DNAH1: variants seen among roughly 807,000 people sequenced by gnomAD.
DNAH1 encodes axonemal beta dynein heavy chain 1.
DNAH1 carries 327 observed loss-of-function variants against 484.3 expected under a neutral mutation model. That is an observed-to-expected ratio of 0.68 (90% confidence interval 0.62 to 0.74). The LOEUF is 0.74. Ranked by LOEUF, DNAH1 falls within the 30% of genes least tolerant of loss-of-function variation. DNAH1 has a pLI of 0.00. For missense variants in DNAH1, 5,052 were observed against 5,546.8 expected (o/e 0.91, Z 2.83); for synonymous variants, 2,192 against 2,191.9 (o/e 1.00, Z 0.00).
Position 52,395,554 on chromosome 3 carries a change from G to A in DNAH1, c.11135G>A (p.Arg3712Gln), listed in dbSNP as rs200395837. ...AISLGQGQGP[R>Q]AEAMMRSSIE... ...GTGCTCTTGCCCCTGCAGGGCCCTCGGGCAGAAGCCATGATGCGCAGCTCC... is the reference window on the plus strand; with the variant it reads ...GTGCTCTTGCCCCTGCAGGGCCCTCAGGCAGAAGCCATGATGCGCAGCTCC... Residue 3712 changes from arginine (R) to glutamine (Q), a missense_variant, in exon 70 of 78, where the codon CGG (arginine) becomes CAG (glutamine). By Grantham distance (43) the Arg-to-Gln change is conservative. This residue lies in a region of DNAH1 where 853 missense variants were observed against 899.0 expected (regional missense o/e 0.95). Coordinates refer to ENST00000420323, the MANE Select transcript of DNAH1 (RefSeq NM_015512.5). The surrounding 1 kb of genome is among the most constrained non-coding windows in gnomAD (Gnocchi z 4.4). 5.8e-5 allele frequency: 94 copies of A among 1,613,620 alleles called. No individual in the cohort carries two copies. The East Asian group carries it at 1.4e-3, about 23-fold the overall frequency.
In DNAH1 at chr3:52,394,456, C is replaced by A; in HGVS notation, c.10627-9C>A. ...GCCTGGGCATCAGCCTCCTCCTGTC[C>A]CCTGCCAGAGTGAGTGGCGATACCT... On this transcript the variant is annotated splice_polypyrimidine_tract_variant and intron_variant, in intron 66 of 77. Transcript: ENST00000420323. 2 of 1,613,762 alleles carry A rather than the reference C, an allele frequency of 1.2e-6. No individual in the cohort carries two copies. The highest frequency in any genetic ancestry group is 1.7e-6 in the Non-Finnish European group (2 of 1,179,780).
chr3:52,391,360 G>A (rs745336992), intron 62 of DNAH1, 32 bp downstream of exon 62: 2 of 1,597,098 alleles, frequency 1.3e-6, no homozygotes, highest in South Asian at 1.1e-5. Flanking sequence ...CAGGGTGGCA[G>A]TAGGCCTGGA....
At position 52,362,498 on chromosome 3, in the gene DNAH1, G is replaced by A. The variant is rs1274569938; in HGVS notation, c.5091G>A (p.Leu1697=). 3 of 1,613,116 alleles carry A rather than the reference G, an allele frequency of 1.9e-6. No individual in the cohort carries two copies. The African/African-American group carries it at 4.0e-5, about 21-fold the overall frequency. The change falls in exon 31 of 78, where the codon CTG becomes CTA. Residue 1697 remains leucine (L), a synonymous_variant. Transcript: ENST00000420323. This position sits in a 1 kb window ranked among gnomAD's most constrained non-coding sequence, Gnocchi z 5.1. ...YAGRTELPDN[L]KALFRPVAMM... ...GCCGCACGGAGCTGCCTGACAATCT[G>A]AAGGCAAGTGCAGGCCCAGAGTGGC... is the stretch of plus-strand genomic sequence containing the variant.
At chr3:52,359,213 G>A (rs1702747318) in intron 25 of DNAH1, 33 bp from the exon 26 acceptor site, 1 of 1,553,860 alleles carries the variant, frequency 6.4e-7, no homozygotes, top group African/African-American at 1.4e-5. Context: ...GGCTGCGGCT[G>A]TCCAGGTCAG....
rs374798612 is a variant in DNAH1 at position 52,397,756 on chromosome 3, T to C, written c.11837T>C (p.Ile3946Thr). ...KSLPLNDMPE[I>T]FGLHDNANIT... ...CTCCCACTCAATGATATGCCTGAGA[T>C]CTTTGGCCTGCATGACAATGCCAAC... The change falls in exon 74 of 78, where the codon ATC becomes ACC. Residue 3946 changes from isoleucine (I) to threonine (T), a missense_variant. This residue lies in a region of DNAH1 where 853 missense variants were observed against 899.0 expected (regional missense o/e 0.95). Transcript: ENST00000420323. The C allele has an allele frequency of 9.3e-5, 150 of 1,613,666 alleles. No individual in the cohort carries two copies. Among genetic ancestry groups the C allele is most frequent in the Non-Finnish European group, 1.2e-4 (139 of 1,179,750 alleles).
rs368033879 is a variant in DNAH1, at chr3:52,382,378, C to T, written c.7864C>T (p.Arg2622Ter). The T allele has an allele frequency of 2.5e-5, 41 of 1,613,850 alleles. No individual in the cohort carries two copies. The highest frequency in any genetic ancestry group is 1.6e-4 in the Middle Eastern group (1 of 6,084). Residue 2622 changes from arginine (R) to a stop codon, truncating the protein, a stop_gained, in exon 50 of 78, where the codon CGA (arginine) becomes TGA (stop). Coordinates refer to ENST00000420323, the MANE Select transcript of DNAH1 (RefSeq NM_015512.5). LOFTEE classifies it high-confidence loss of function. ...LSKNYGMSEW[R>*]DDVKKVLLKA... ...CAAGAACTACGGCATGTCCGAGTGG[C>T]GAGATGATGTGAAGAAGGTCCTGCT...
chr3:52,382,525 G>A (rs754346547), intron 50 of DNAH1, 70 bp downstream of exon 50: 32 of 1,584,774 alleles, frequency 2.0e-5, no homozygotes, highest in East Asian at 4.5e-5. Flanking sequence ...ATAGCATCCC[G>A]GAAGGTGGCC....
chr3:52,341,404 G>A (rs575284728), intron 8 of DNAH1, among the ~76,000 whole-genome samples: 15 of 152,178 alleles, frequency 9.9e-5, no homozygotes, highest in African/African-American at 3.4e-4. Context: ...TATAATAGAA[G>A]AAGCAGCTGG....
chr3:52,372,633 C>CT (rs1488257609), intron 43 of DNAH1, among the ~76,000 whole-genome samples: 2 of 152,228 alleles, frequency 1.3e-5, no homozygotes, highest in Non-Finnish European at 2.9e-5. Context: ...GGACAGGGCC[C>CT]TGGGTCTGTC....
At chr3:52,330,742 G>C (rs1336241707) in intron 6 of DNAH1, among the ~76,000 whole-genome samples, 1 of 152,232 alleles carries the variant, frequency 6.6e-6, no homozygotes, top group African/African-American at 2.4e-5. Context: ...CAGCCTGTGG[G>C]GAGGGCTTCA....
At chr3:52,398,818 C>T (rs1704759289) in intron 75 of DNAH1, 32 bp from the exon 76 acceptor site, 1 of 1,479,560 alleles carries the variant, frequency 6.8e-7, no homozygotes, top group South Asian at 1.4e-5. Flanking sequence ...GACCCCAGCC[C>T]ACTACCTATT....
At chr3:52,370,852 G>A in intron 41 of DNAH1, 27 bp downstream of exon 41, 1 of 1,562,916 alleles carries the variant, frequency 6.4e-7, no homozygotes, top group Non-Finnish European at 8.7e-7. Context: ...CCCAGAGACT[G>A]CACAGGGAGG....
chr3:52,363,031 T>C lies in DNAH1; in HGVS notation c.5131T>C (p.Tyr1711His), dbSNP rs377018837. The C allele has an allele frequency of 2.2e-5, 36 of 1,614,016 alleles. No individual in the cohort carries two copies. The African/African-American group carries it at 4.5e-4, about 20-fold the overall frequency. Reference protein sequence around the residue: ...FRPVAMMVPDYAMITEISLYS... With the variant: ...FRPVAMMVPDHAMITEISLYS... Reference sequence around the variant, plus strand: ...ACCCGTGGCCATGATGGTTCCAGATTACGCCATGATCACTGAGATCTCCCT... The same window carrying C: ...ACCCGTGGCCATGATGGTTCCAGATCACGCCATGATCACTGAGATCTCCCT... The change falls in exon 32 of 78, where the codon TAC becomes CAC. Residue 1711 changes from tyrosine (Y) to histidine (H), a missense_variant. Around this residue, in one of 4 missense-constraint regions of DNAH1, gnomAD observed 2,929 missense variants for 3,409.4 expected, o/e 0.86. Coordinates refer to ENST00000420323, the MANE Select transcript of DNAH1 (RefSeq NM_015512.5).
chr3:52,345,800 G>T, intron 10 of DNAH1, 94 bp downstream of exon 10: 1 of 1,293,354 alleles, frequency 7.7e-7, no homozygotes, highest in Admixed American at 2.1e-5. Context: ...GCCAGGGTCA[G>T]TGGGCCACAT....
intron 11 of DNAH1, 96 bp downstream of exon 11, chr3:52,346,866 T>A (rs1702166690): frequency 7.4e-7 from 1 of 1,354,370 alleles, no homozygotes; most frequent in South Asian, 1.4e-5. Flanking sequence ...AGGGTGCCCA[T>A]CCATGCCAGG....
chr3:52,394,681 A>G lies in DNAH1; in HGVS notation c.10823+20A>G, dbSNP rs750099116. On this transcript the variant is annotated intron_variant, in intron 67 of 77. Transcript: ENST00000420323. Reference sequence around the variant, plus strand: ...CCACCGGTTAGCTGGGCCCCAGAATATGGCAGGATGAGCCCATCGAGGGGA... The same window carrying G: ...CCACCGGTTAGCTGGGCCCCAGAATGTGGCAGGATGAGCCCATCGAGGGGA... 2 of 1,551,176 alleles carry G rather than the reference A, an allele frequency of 1.3e-6. No individual in the cohort carries two copies. The highest frequency in any genetic ancestry group is 4.5e-5 in the East Asian group (2 of 44,266).
Position 52,386,666 on chromosome 3 carries a change from G to A in DNAH1, c.8816G>A (p.Arg2939His), listed in dbSNP as rs749580264. ...ACTTGGTGGCTGGGCCTGCAGGTAC[G>A]TGCCATGCAGCGGCCACCCCCGGGT... ...NLNKNDVTEV[R>H]AMQRPPPGVK... The change falls in exon 56 of 78, where the codon CGT becomes CAT. Residue 2939 changes from arginine to histidine, a missense_variant. Physicochemically the swap from Arg to His is conservative, Grantham distance 29. This residue lies in a region of DNAH1 where 2,929 missense variants were observed against 3,409.4 expected (regional missense o/e 0.86). Coordinates refer to ENST00000420323, the MANE Select transcript of DNAH1 (RefSeq NM_015512.5). 31 of 1,577,406 alleles carry A rather than the reference G, an allele frequency of 2.0e-5. No homozygotes were observed. The highest frequency in any genetic ancestry group is 2.3e-5 in the East Asian group (1 of 43,016).
intron 70 of DNAH1, among the ~76,000 whole-genome samples, chr3:52,396,004 T>C (rs979838198): frequency 3.3e-5 from 5 of 149,402 alleles, no homozygotes; most frequent in African/African-American, 1.2e-4. Flanking sequence ...AGTGGTGCAA[T>C]CTCGGTTCAC....
At chr3:52,312,950 C>A (rs1167180475), upstream of DNAH1, among the ~76,000 whole-genome samples, 2 of 152,116 alleles carry the variant, frequency 1.3e-5, no homozygotes, top group Non-Finnish European at 2.9e-5. Context: ...GCATGCCCAG[C>A]CTAATTTTTG....
Sources: gnomAD v4.1 joint callset for allele counts (sites outside exome capture counted in the v4.1 genomes callset) on GRCh38, gnomAD v4.1.1 for gene constraint, gnomAD v4.1.1 regional missense constraint, Gnocchi (gnomAD v3.1) non-coding constraint, MANE v1.5 for transcripts, NCBI Gene and HGNC (gene_info 2026-07-23, HGNC 2026-07-21) for gene names.